The following LDHC variants were observed in gnomAD, a reference collection of about 807,000 sequenced individuals.
LDHC encodes the protein L-lactate dehydrogenase C chain.
A neutral mutation model predicts 30.2 loss-of-function variants in LDHC; 20 were observed. That is an observed-to-expected ratio of 0.66 (90% confidence interval 0.47 to 0.96). The LOEUF is 0.96. Ranked by LOEUF, LDHC falls within the 40% of genes least tolerant of loss-of-function variation. The pLI is 0.00. For synonymous variants in LDHC, 139 were observed against 132.7 expected (o/e 1.05, Z -0.32); for missense variants, 362 against 394.9 (o/e 0.92, Z 0.71).
chr11:18,414,685 G>A lies in LDHC; in HGVS notation c.127-499G>A, dbSNP rs137886935. Among the ~76,000 whole-genome samples, 550 of 152,116 alleles carry A rather than the reference G, an allele frequency of 3.6e-3. 4 individuals are homozygous for A. Among genetic ancestry groups the A allele is most frequent in the South Asian group, 1.0e-2 (48 of 4,814 alleles). ...TGTACTAAAAATACAAAAATTAGCC[G>A]GACATGGTGGCGGGCGCCTGTAATC... On this transcript the variant is annotated intron_variant, in intron 2 of 7. Coordinates refer to ENST00000541669, the MANE Select transcript of LDHC (RefSeq NM_017448.5).
rs144657265 is a variant in LDHC, at chr11:18,451,001, C to T, written c.873C>T (p.Ile291=). 99 of 1,594,966 alleles carry T rather than the reference C, an allele frequency of 6.2e-5. No homozygotes were observed. Among genetic ancestry groups the T allele is most frequent in the Non-Finnish European group, 8.0e-5 (94 of 1,173,828 alleles). ...TAAAAGAAGAACTCTTTCTCAGTAT[C>T]CCTTGTGTCTTGGGGCGGAATGGTG... is the stretch of plus-strand genomic sequence containing the variant. ...YGIKEELFLS[I]PCVLGRNGVS... Residue 291 remains isoleucine (I), a synonymous_variant, in exon 8 of 8, where the codon ATC becomes ATT. Transcript: ENST00000541669.
intron 1 of LDHC, 40 bp from the exon 2 acceptor site, chr11:18,412,669 C>T: frequency 6.3e-7 from 1 of 1,578,320 alleles, no homozygotes; most frequent in Non-Finnish European, 8.6e-7. Context: ...CTTAGATGTT[C>T]AGTGTGGTTA....
intron 6 of LDHC, among the ~76,000 whole-genome samples, chr11:18,440,102 C>T (rs111621188): frequency 0.013 from 1,912 of 148,358 alleles, 45 homozygotes; most frequent in African/African-American, 0.045. Context: ...GAGATCAAGA[C>T]CATCCTGGCC....
intron 3 of LDHC, among the ~76,000 whole-genome samples, chr11:18,421,517 A>G (rs1159611710): frequency 1.3e-5 from 2 of 152,074 alleles, no homozygotes; most frequent in Non-Finnish European, 2.9e-5. Flanking sequence ...TACTAAAAAT[A>G]CAAAAATTAG....
chr11:18,431,299 A>G (rs1414955863), intron 4 of LDHC, among the ~76,000 whole-genome samples: 1 of 151,870 alleles, frequency 6.6e-6, no homozygotes, highest in African/African-American at 2.4e-5. Context: ...CATCTCTACT[A>G]AAAATACAAA....
intron 2 of LDHC, among the ~76,000 whole-genome samples, chr11:18,414,544 C>G (rs1330015145): frequency 2.6e-5 from 4 of 152,064 alleles, no homozygotes; most frequent in Non-Finnish European, 5.9e-5. Context: ...TAATAAAATC[C>G]TGGCCGGGCG....
intron 3 of LDHC, among the ~76,000 whole-genome samples, chr11:18,427,083 C>G (rs894390130): frequency 1.3e-5 from 2 of 152,084 alleles, no homozygotes; most frequent in South Asian, 2.1e-4. Flanking sequence ...AGCGGCTGGG[C>G]GTGGTAGCTG....
chr11:18,440,144 CAAAAAAAA>C lies in LDHC; in HGVS notation c.710+1512_710+1519del, dbSNP rs35749455. ...GTGAAACTCCGTCTCTACTAAAATA[CAAAAAAAA>C]AAAAAAAAAAAATTAGCCGGGTGTG... On this transcript the variant is annotated intron_variant, in intron 6 of 7. Coordinates refer to ENST00000541669, the MANE Select transcript of LDHC (RefSeq NM_017448.5). 5.8e-4 allele frequency among the ~76,000 whole-genome samples: 48 copies of C among 83,042 alleles called. 1 individual carries two copies. Among genetic ancestry groups the C allele is most frequent in the African/African-American group, 1.7e-3 (42 of 24,540 alleles). The allele number at this position is 83,042 out of a possible 152,430, so 54.5% of individuals were successfully genotyped here. A position where few individuals can be genotyped will look rare whatever the true frequency, so the allele number is the denominator to read the frequency against.
rs145697446 is a variant in LDHC at position 18,445,435 on chromosome 11, G to C, written c.711-775G>C. On this transcript the variant is annotated intron_variant, in intron 6 of 7. Coordinates refer to ENST00000541669, the MANE Select transcript of LDHC (RefSeq NM_017448.5). Reference sequence around the variant, plus strand: ...GCTGGTCTCGAACTTCTGACCTCGTGATCCACCCACCTCGGCCTCCCAAAG... The same window carrying C: ...GCTGGTCTCGAACTTCTGACCTCGTCATCCACCCACCTCGGCCTCCCAAAG... Among the ~76,000 whole-genome samples the C allele has an allele frequency of 2.2e-4, 33 of 152,234 alleles. No individual in the cohort carries two copies. The East Asian group carries it at 6.4e-3, about 29-fold the overall frequency.
intron 7 of LDHC, 25 bp downstream of exon 7, chr11:18,446,358 TATC>T (rs1451347789): frequency 6.5e-7 from 1 of 1,537,752 alleles, no homozygotes. Flanking sequence ...AATCTTCATT[TATC>T]ATTCTTTCCT....
In LDHC at chr11:18,451,535, G is replaced by C. The variant is rs1416822930; in HGVS notation, c.*408G>C. 1 of 152,534 alleles carries C rather than the reference G, an allele frequency of 6.6e-6. No individual in the cohort carries two copies. Among genetic ancestry groups the C allele is most frequent in the African/African-American group, 2.4e-5 (1 of 41,406 alleles). 9.4% of individuals were successfully genotyped at this position (152,534 alleles called of 1,614,324 possible). A position where few individuals can be genotyped will look rare whatever the true frequency, so the allele number is the denominator to read the frequency against. ...AGCATATTCACTTCATTACATTAGC[G>C]TCATATGTTTATGTATAATCATTAT... On this transcript the variant is annotated 3_prime_UTR_variant, in exon 8 of 8. Transcript: ENST00000541669.
intron 3 of LDHC, among the ~76,000 whole-genome samples, chr11:18,427,723 G>A (rs1296035438): frequency 6.7e-6 from 1 of 149,100 alleles, no homozygotes; most frequent in African/African-American, 2.5e-5. Flanking sequence ...TGTCACTCAG[G>A]CCGGAATGCA....
Position 18,438,546 on chromosome 11 carries a change from T to C in LDHC, c.611T>C (p.Val204Ala). 6.2e-7 allele frequency: 1 copy of C among 1,609,870 alleles called. No homozygotes were observed. Among genetic ancestry groups the C allele is most frequent in the Non-Finnish European group, 8.5e-7 (1 of 1,176,318 alleles). The stretch of plus-strand genomic sequence containing the variant: ...TTTTTAGTGCCCTTATGGAGTGGGG[T>C]GAATGTTGCTGGTGTTGCTCTGAAG... Reference protein sequence around the residue: ...GDSSVPLWSGVNVAGVALKTL... With the variant: ...GDSSVPLWSGANVAGVALKTL... Residue 204 changes from valine to alanine, a missense_variant, in exon 6 of 8, where the codon GTG (valine) becomes GCG (alanine). Transcript: ENST00000541669.
chr11:18,445,706 C>G (rs1276120815), intron 6 of LDHC, among the ~76,000 whole-genome samples: 1 of 152,098 alleles, frequency 6.6e-6, no homozygotes, highest in Non-Finnish European at 1.5e-5. Context: ...CACGGTGGCT[C>G]ACACCTATAA....
At chr11:18,432,608 G>A (rs1848287270) in intron 4 of LDHC, among the ~76,000 whole-genome samples, 1 of 152,238 alleles carries the variant, frequency 6.6e-6, no homozygotes, top group Non-Finnish European at 1.5e-5. Flanking sequence ...TATTTCTTAG[G>A]TTTATTAGTA....
At chr11:18,438,947 G>T (rs1848407689) in intron 6 of LDHC, among the ~76,000 whole-genome samples, 1 of 152,170 alleles carries the variant, frequency 6.6e-6, no homozygotes, top group South Asian at 2.1e-4. Context: ...TTAGTGATAT[G>T]ATATTGGGAA....
chr11:18,448,093 T>G (rs1051830202), intron 7 of LDHC, among the ~76,000 whole-genome samples: 2 of 135,724 alleles, frequency 1.5e-5, no homozygotes, highest in Non-Finnish European at 3.2e-5. Context: ...CAATAAAGAG[T>G]ACACAATGGA....
chr11:18,423,244 ATAT>A (rs1848100079), intron 3 of LDHC, among the ~76,000 whole-genome samples: 1 of 152,130 alleles, frequency 6.6e-6, no homozygotes, highest in Admixed American at 6.6e-5. Flanking sequence ...AAATGAAGTG[ATAT>A]TCCTTGTTCA....
At chr11:18,442,032 G>A (rs1848475651) in intron 6 of LDHC, among the ~76,000 whole-genome samples, 2 of 152,074 alleles carry the variant, frequency 1.3e-5, no homozygotes, top group African/African-American at 4.8e-5. Context: ...CCCAGCACAG[G>A]AAAGCGGCTG....
Sources: allele counts gnomAD v4.1 joint callset (sites outside exome capture counted in the v4.1 genomes callset), GRCh38; gene constraint gnomAD v4.1.1; transcripts MANE v1.5; gene names NCBI Gene and HGNC (gene_info 2026-07-23, HGNC 2026-07-21).